Variants in CEP44 observed in about 807,000 individuals in gnomAD.
CEP44 encodes centrosomal protein of 44 kDa.
A neutral mutation model predicts 46.7 loss-of-function variants in CEP44; 45 were observed. The ratio of observed to expected loss-of-function variants is 0.96; its 90% CI spans 0.76 to 1.24. The LOEUF (loss-of-function observed/expected upper bound fraction) is 1.24. CEP44 is among the 50% of genes most tolerant of loss of function. The probability of loss-of-function intolerance (pLI) is 0.00; values close to 1 mark genes in which losing one functional copy is unlikely to be tolerated. For missense variants in CEP44, 475 were observed against 459.7 expected, an observed-to-expected ratio of 1.03 and a Z score of -0.30; for synonymous variants, 142 against 146.0, an observed-to-expected ratio of 0.97 and a Z score of 0.20.
intron 5 of CEP44, 66 bp from the exon 6 acceptor site, chr4:174,304,181 G>T: frequency 6.8e-7 from 1 of 1,477,392 alleles, no homozygotes; most frequent in Non-Finnish European, 9.0e-7. Context: ...AATGTTAATG[G>T]AATTTTAATA....
Position 174,331,812 on chromosome 4 carries a change from A to G in CEP44, c.*217A>G. ...TTCTATTTTCCAGAAATTTCTCAAA[A>G]TGTCTGCTGATAGCCCCTCACTCAT... On this transcript the variant is annotated 3_prime_UTR_variant, in exon 9 of 9. Transcript: ENST00000426172. This position sits in a 1 kb window ranked among gnomAD's most constrained non-coding sequence, Gnocchi z 4.5. 6.1e-6 allele frequency: 3 copies of G among 493,124 alleles called. No individual in the cohort carries two copies. The highest frequency in any genetic ancestry group is 1.0e-5 in the Non-Finnish European group (3 of 298,272). The allele number at this position is 493,124 out of a possible 1,614,324, so 30.5% of individuals were successfully genotyped here. A position where few individuals can be genotyped will look rare whatever the true frequency, so the allele number is the denominator to read the frequency against.
In CEP44 at chr4:174,284,241, TC is replaced by T. The variant is rs1421641211; in HGVS notation, c.-148+300del. ...CCCCGGGCGGAGACGAATGACCAGA[TC>T]CGCCTTTTCATTCTTTTAAATCAAA... On this transcript the variant is annotated intron_variant, in intron 1 of 11. Transcript: ENST00000503780. 1.0e-5 allele frequency: 4 copies of T among 396,838 alleles called. No individual in the cohort carries two copies. In the East Asian group the frequency reaches 1.4e-4, roughly 14 times the overall value. 24.6% of individuals were successfully genotyped at this position (396,838 alleles called of 1,614,324 possible).
Position 174,310,690 on chromosome 4 carries a change from G to T in CEP44, c.886-93G>T. On this transcript the variant is annotated intron_variant, in intron 8 of 11. Coordinates refer to ENST00000503780, the MANE Select transcript of CEP44 (RefSeq NM_001040157.3). This position sits in a 1 kb window ranked among gnomAD's most constrained non-coding sequence, Gnocchi z 4.2. ...TTAAAAATATTTAAACATTTATCAT[G>T]CTACCTTTATATTTTATGCTCAGCA... The T allele has an allele frequency of 1.5e-6, 1 of 674,374 alleles. No individual in the cohort carries two copies. The allele number at this position is 674,374 out of a possible 1,614,324, so 41.8% of individuals were successfully genotyped here.
chr4:174,290,846 A>G lies in CEP44; in HGVS notation c.-148+6903A>G, dbSNP rs188389669. 1.5e-4 allele frequency among the ~76,000 whole-genome samples: 23 copies of G among 152,192 alleles called. No individual in the cohort carries two copies. Among genetic ancestry groups the G allele is most frequent in the Non-Finnish European group, 1.2e-4 (8 of 67,972 alleles). ...GTGCTTTGATGTTGGGTGCATATGT[A>G]TTTTTAGTTGTTGTATCTTTCTATT... On this transcript the variant is annotated intron_variant, in intron 1 of 11. Transcript: ENST00000503780. This position sits in a 1 kb window ranked among gnomAD's most constrained non-coding sequence, Gnocchi z 4.3.
rs937093809 is a variant in CEP44, at chr4:174,311,181, A to G, written c.961+323A>G. Among the ~76,000 whole-genome samples the G allele has an allele frequency of 6.6e-6, 1 of 152,008 alleles. No individual in the cohort carries two copies. The highest frequency in any genetic ancestry group is 2.4e-5 in the African/African-American group (1 of 41,438). ...CAAGTTTTTAAATTTAAGCTTAGGT[A>G]GGTAGTAGCTTTCTCATATGTAAAT... On this transcript the variant is annotated intron_variant, in intron 9 of 11. Coordinates refer to ENST00000503780, the MANE Select transcript of CEP44 (RefSeq NM_001040157.3). The surrounding 1 kb of genome is among the most constrained non-coding windows in gnomAD (Gnocchi z 4.4).
Position 174,312,224 on chromosome 4 carries a change from T to C in CEP44, c.961+1366T>C, listed in dbSNP as rs1741163803. The stretch of plus-strand genomic sequence containing the variant: ...GCTTATTTTTTTTTAATGACATGAT[T>C]ATAGAATATACCTTTAACCTATTTA... On this transcript the variant is annotated intron_variant, in intron 9 of 11. Transcript: ENST00000503780. This position sits in a 1 kb window ranked among gnomAD's most constrained non-coding sequence, Gnocchi z 4.5. Among the ~76,000 whole-genome samples, 1 of 152,082 alleles carries C rather than the reference T, an allele frequency of 6.6e-6. No homozygotes were observed. The highest frequency in any genetic ancestry group is 1.5e-5 in the Non-Finnish European group (1 of 68,006).
In CEP44 at chr4:174,329,323, AACACAGACACAC is replaced by A. The variant is rs1420540419; in HGVS notation, c.1087-2141_1087-2130del. ...ATATCATGGGAAAGCCCTTTGCTCA[AACACAGACACAC>A]ACACAGACACACACACACACACACA... is the stretch of plus-strand genomic sequence containing the variant. On this transcript the variant is annotated intron_variant, in intron 8 of 8. Coordinates refer to the CEP44 transcript ENST00000426172. The surrounding 1 kb of genome is among the most constrained non-coding windows in gnomAD (Gnocchi z 4.0). 4.7e-5 allele frequency among the ~76,000 whole-genome samples: 7 copies of A among 149,986 alleles called. No homozygotes were observed. Among genetic ancestry groups the A allele is most frequent in the South Asian group, 4.2e-4 (2 of 4,748 alleles).
intron 1 of CEP44, among the ~76,000 whole-genome samples, chr4:174,291,624 A>G (rs1032859640): frequency 2.0e-5 from 3 of 151,906 alleles, no homozygotes; most frequent in East Asian, 1.9e-4. Flanking sequence ...TGAGATGTAT[A>G]CTTTCATATG....
At chr4:174,295,429 T>C (rs1021732082) in intron 1 of CEP44, among the ~76,000 whole-genome samples, 4 of 147,482 alleles carry the variant, frequency 2.7e-5, no homozygotes, top group African/African-American at 5.1e-5. Flanking sequence ...CTAGATGGGA[T>C]GGTGGCCAGG....
rs1579047379 is a variant in CEP44 at position 174,284,160 on chromosome 4, C to T, written c.-148+217C>T. The T allele has an allele frequency of 1.0e-5, 4 of 397,988 alleles. No individual in the cohort carries two copies. In the Admixed American group the frequency reaches 1.3e-4, roughly 13 times the overall value. 24.7% of individuals were successfully genotyped at this position (397,988 alleles called of 1,614,324 possible). On this transcript the variant is annotated intron_variant, in intron 1 of 11. Coordinates refer to ENST00000503780, the MANE Select transcript of CEP44 (RefSeq NM_001040157.3). ...TGCTTGGTGAGCCCCGAGGAGACGG[C>T]AAGGCTGCGCCTGGTATTGGGCGGA...
chr4:174,295,443 A>C (rs552486873), intron 1 of CEP44, among the ~76,000 whole-genome samples: 12 of 150,074 alleles, frequency 8.0e-5, no homozygotes, highest in African/African-American at 3.0e-4. Context: ...GGCCAGGAAG[A>C]GGCGCTCCTC....
chr4:174,329,543 A>G lies in CEP44; in HGVS notation c.1087-1939A>G, dbSNP rs1226354468. 6.6e-6 allele frequency among the ~76,000 whole-genome samples: 1 copy of G among 152,200 alleles called. No homozygotes were observed. Among genetic ancestry groups the G allele is most frequent in the Non-Finnish European group, 1.5e-5 (1 of 68,028 alleles). On this transcript the variant is annotated intron_variant, in intron 8 of 8. Transcript: ENST00000426172. The surrounding 1 kb of genome is among the most constrained non-coding windows in gnomAD (Gnocchi z 4.0). ...GTTGAAATATATTTGGTATTTTAGC[A>G]TTATCTTGCTTCCAGGATAATGTTC...
chr4:174,328,601 G>A (rs1187450997), intron 8 of CEP44, among the ~76,000 whole-genome samples: 1 of 152,174 alleles, frequency 6.6e-6, no homozygotes, highest in Non-Finnish European at 1.5e-5. Context: ...GTTCCATGAA[G>A]CATTGATTAG....
chr4:174,303,710 G>C lies in CEP44; in HGVS notation c.245G>C (p.Arg82Pro). The C allele has an allele frequency of 6.6e-7, 1 of 1,521,536 alleles. No individual in the cohort carries two copies. Among genetic ancestry groups the C allele is most frequent in the Non-Finnish European group, 9.0e-7 (1 of 1,115,914 alleles). The allele number at this position is 1,521,536 out of a possible 1,614,324, so 94.3% of individuals were successfully genotyped here. A position where few individuals can be genotyped will look rare whatever the true frequency, so the allele number is the denominator to read the frequency against. ...RFIDAVYKLL[R>P]DQFNYKPILT... ...AGTCTGTTTCCTCTGCAGCTTCTTC[G>C]TGATCAATTTAATTATAAACCAATT... Residue 82 changes from arginine to proline, a missense_variant, in exon 5 of 12, where the codon CGT becomes CCT. By Grantham distance (103) the Arg-to-Pro change is moderately radical. Coordinates refer to ENST00000503780, the MANE Select transcript of CEP44 (RefSeq NM_001040157.3).
chr4:174,307,073 A>ATGT (rs1740493314), intron 6 of CEP44, among the ~76,000 whole-genome samples: 13 of 152,206 alleles, frequency 8.5e-5, no homozygotes, highest in Admixed American at 8.5e-4. Context: ...ACTCCCATTA[A>ATGT]ACTACCATTG....
At position 174,318,536 on chromosome 4, in the gene CEP44, G is replaced by A; in HGVS notation, c.*1153G>A. The A allele has an allele frequency of 1.1e-6, 1 of 870,822 alleles. No homozygotes were observed. The highest frequency in any genetic ancestry group is 1.4e-6 in the Non-Finnish European group (1 of 726,168). 53.9% of individuals were successfully genotyped at this position (870,822 alleles called of 1,614,324 possible). ...ATATGAATTATCTTTTTTTAAACTTGTAGATAAAAGTGTTCCAGTAATCAG... is the reference window on the plus strand; with the variant it reads ...ATATGAATTATCTTTTTTTAAACTTATAGATAAAAGTGTTCCAGTAATCAG... On this transcript the variant is annotated 3_prime_UTR_variant, in exon 12 of 12. Transcript: ENST00000503780.
intron 6 of CEP44, among the ~76,000 whole-genome samples, chr4:174,306,787 CA>C (rs1740454802): frequency 6.6e-6 from 1 of 152,024 alleles, no homozygotes; most frequent in Non-Finnish European, 1.5e-5. Context: ...AATCAATGTG[CA>C]AAAATTGCTA....
In CEP44 at chr4:174,316,199, T is replaced by TTCCTCTG. The variant is rs773123454; in HGVS notation, c.1003_1009dup (p.Gly337ValfsTer5). The TTCCTCTG allele has an allele frequency of 6.2e-7, 1 of 1,613,768 alleles. No individual in the cohort carries two copies. Among genetic ancestry groups the TTCCTCTG allele is most frequent in the Non-Finnish European group, 8.5e-7 (1 of 1,179,846 alleles). On this transcript the variant is annotated frameshift_variant, in exon 10 of 12. Transcript: ENST00000503780. LOFTEE classifies it high-confidence loss of function. Reference sequence around the variant, plus strand: ...AGCGAAGTAGAGAGGCCAGCAAGTATTCCTCTGTCCTCTGGCTATAGTACA... The same window carrying TTCCTCTG: ...AGCGAAGTAGAGAGGCCAGCAAGTATTCCTCTGTCCTCTGTCCTCTGGCTATAGTACA...
downstream of CEP44, among the ~76,000 whole-genome samples, chr4:174,325,146 G>A (rs143998823): frequency 1.1e-3 from 175 of 152,180 alleles, no homozygotes; most frequent in Admixed American, 3.3e-3. The surrounding 1 kb of genome is among the most constrained non-coding windows in gnomAD (Gnocchi z 4.4). Flanking sequence ...TTTGCCATTA[G>A]TATATCTTCT....
Sources: gnomAD v4.1 joint callset for allele counts (sites outside exome capture counted in the v4.1 genomes callset) on GRCh38, gnomAD v4.1.1 for gene constraint, Gnocchi (gnomAD v3.1) non-coding constraint, MANE v1.5 for transcripts, NCBI Gene and HGNC (gene_info 2026-07-23, HGNC 2026-07-21) for gene names.